The following CPXM2 variants were observed in gnomAD, a reference collection of about 807,000 sequenced individuals.
The protein encoded by CPXM2 is carboxypeptidase X, M14 family member 2, also known as inactive carboxypeptidase-like protein X2.
A neutral mutation model predicts 86.1 loss-of-function variants in CPXM2; 66 were observed. The observed-to-expected ratio is 0.77, with a 90% CI of 0.63 to 0.94. CPXM2 has a LOEUF of 0.94. Ranked by LOEUF, CPXM2 falls within the 40% of genes least tolerant of loss-of-function variation. The pLI, the probability that CPXM2 is intolerant of heterozygous loss-of-function variation, is 0.00. For missense variants in CPXM2, 948 were observed against 1,026.3 expected, an observed-to-expected ratio of 0.92 and a Z score of 1.04; for synonymous variants, 388 against 400.2, an observed-to-expected ratio of 0.97 and a Z score of 0.36.
chr10:123,760,472 G>A (rs891808042), intron 11 of CPXM2, among the ~76,000 whole-genome samples: 8 of 152,120 alleles, frequency 5.3e-5, no homozygotes, highest in Admixed American at 2.6e-4. Context: ...TTCTGTACAT[G>A]TTTTAAAATG....
At chr10:123,921,815 G>T (rs1324901213) in intron 2 of CPXM2, among the ~76,000 whole-genome samples, 1 of 152,196 alleles carries the variant, frequency 6.6e-6, no homozygotes, top group Admixed American at 6.5e-5. Flanking sequence ...TAGAATAAAG[G>T]TTTGCAATTC....
chr10:123,793,987 G>T (rs114502200), intron 6 of CPXM2, among the ~76,000 whole-genome samples: 1 of 150,584 alleles, frequency 6.6e-6, no homozygotes, highest in Non-Finnish European at 1.5e-5. Context: ...CAAGACAGGC[G>T]GTGGCCTTAC....
chr10:123,763,028 T>A (rs1846381838), intron 10 of CPXM2, among the ~76,000 whole-genome samples: 1 of 151,838 alleles, frequency 6.6e-6, no homozygotes, highest in South Asian at 2.1e-4. Flanking sequence ...TGGTCTGTGC[T>A]TGGTCCCCCT....
intron 2 of CPXM2, among the ~76,000 whole-genome samples, chr10:123,905,959 A>G (rs1224069346): frequency 6.6e-6 from 1 of 152,152 alleles, no homozygotes; most frequent in East Asian, 1.9e-4. Flanking sequence ...TTCTATGTGA[A>G]CAGGCCAAGC....
At chr10:123,803,238 T>G (rs1296975946) in intron 4 of CPXM2, among the ~76,000 whole-genome samples, 1 of 145,332 alleles carries the variant, frequency 6.9e-6, no homozygotes, top group Non-Finnish European at 1.5e-5. Context: ...TGGCTGGGAC[T>G]ACAGGCATGC....
chr10:123,853,224 CCAGAAG>C (rs1848640728), intron 3 of CPXM2, among the ~76,000 whole-genome samples: 1 of 152,142 alleles, frequency 6.6e-6, no homozygotes, highest in Non-Finnish European at 1.5e-5. Flanking sequence ...CTGAGGCCTC[CCAGAAG>C]CAGAAGCCAC....
chr10:123,923,185 GAAAAGA>G (rs142639355), intron 2 of CPXM2, among the ~76,000 whole-genome samples: 3,612 of 152,158 alleles, frequency 0.024, 115 homozygotes, highest in East Asian at 0.094. Context: ...TGATGTCGTG[GAAAAGA>G]AAAAGAAAAA....
In CPXM2 at chr10:123,767,128, G is replaced by A. The variant is rs748406201; in HGVS notation, c.1324C>T (p.Leu442=). The A allele has an allele frequency of 1.2e-6, 2 of 1,614,100 alleles. No individual in the cohort carries two copies. Among genetic ancestry groups the A allele is most frequent in the Non-Finnish European group, 8.5e-7 (1 of 1,180,018 alleles). The change falls in exon 10 of 14, where the codon CTG becomes TTG. Residue 442 remains leucine (L), a synonymous_variant. Coordinates refer to ENST00000241305, the MANE Select transcript of CPXM2 (RefSeq NM_198148.3). The part of the protein sequence containing the change: ...EGGSELGGWS[L]GRWTHDGIDI... ...ATTCCATCGTGGGTCCAGCGTCCCA[G>A]GGACCAGCCTCCCAGCTCCGAGCCC...
At chr10:123,902,927 C>T (rs74937224) in intron 2 of CPXM2, among the ~76,000 whole-genome samples, 6,445 of 152,296 alleles carry the variant, frequency 0.042, 429 homozygotes, top group African/African-American at 0.14. Context: ...ACCTCCCCAC[C>T]GTGCCCTTTC....
At chr10:123,785,016 G>A (rs1847018364) in intron 6 of CPXM2, among the ~76,000 whole-genome samples, 1 of 152,116 alleles carries the variant, frequency 6.6e-6, no homozygotes, top group Admixed American at 6.5e-5. Flanking sequence ...ATTTACATAG[G>A]GCGTACACGA....
chr10:123,896,349 A>C (rs749813632), upstream of CPXM2, among the ~76,000 whole-genome samples: 4 of 152,232 alleles, frequency 2.6e-5, no homozygotes, highest in Non-Finnish European at 5.9e-5. Context: ...ATGGATGCAC[A>C]GGGAGAGAGA....
At chr10:123,783,467 A>G (rs903894023) in intron 6 of CPXM2, among the ~76,000 whole-genome samples, 2 of 152,144 alleles carry the variant, frequency 1.3e-5, no homozygotes, top group Non-Finnish European at 1.5e-5. Flanking sequence ...CTCAGAGATG[A>G]TCTCCCAGGA....
intron 7 of CPXM2, among the ~76,000 whole-genome samples, chr10:123,772,268 ACCTTCACTGTTGTGGT>A (rs1846656550): frequency 4.0e-4 from 1 of 2,506 alleles, no homozygotes; most frequent in East Asian, 0.017. Flanking sequence ...TGTGGTTCTC[ACCTTCACTGTTGTGGT>A]TCTCACCTCC....
intron 3 of CPXM2, among the ~76,000 whole-genome samples, chr10:123,854,679 C>T (rs1848681753): frequency 6.6e-6 from 1 of 150,998 alleles, no homozygotes; most frequent in East Asian, 2.0e-4. Context: ...GTCTACTCCG[C>T]AGTCATAACT....
chr10:123,769,993 G>A (rs956939605), intron 8 of CPXM2, among the ~76,000 whole-genome samples: 4 of 152,216 alleles, frequency 2.6e-5, no homozygotes, highest in African/African-American at 9.7e-5. Context: ...ATAAACTCCT[G>A]CTGGGCGTGG....
chr10:123,885,069 G>A lies in CPXM2; in HGVS notation c.305-4760C>T, dbSNP rs1945159443. ...CTTAGATTCCACCTGGAAACAGCCT[G>A]AGACAAGAAGGCTTTGGGCACAGTG... is the stretch of plus-strand genomic sequence containing the variant. On this transcript the variant is annotated intron_variant, in intron 1 of 13. Coordinates refer to ENST00000241305, the MANE Select transcript of CPXM2 (RefSeq NM_198148.3). The surrounding 1 kb of genome is among the most constrained non-coding windows in gnomAD (Gnocchi z 4.0). 6.6e-6 allele frequency among the ~76,000 whole-genome samples: 1 copy of A among 152,256 alleles called. No individual in the cohort carries two copies. The highest frequency in any genetic ancestry group is 2.1e-4 in the South Asian group (1 of 4,834).
At chr10:123,787,523 G>A (rs960068894) in intron 6 of CPXM2, among the ~76,000 whole-genome samples, 6 of 152,064 alleles carry the variant, frequency 3.9e-5, no homozygotes, top group Non-Finnish European at 5.9e-5. Context: ...TAGTAGAGAC[G>A]GGGTTTCGCC....
At chr10:123,871,424 G>A (rs7922417) in intron 2 of CPXM2, among the ~76,000 whole-genome samples, 6,161 of 152,116 alleles carry the variant, frequency 0.041, 169 homozygotes, top group East Asian at 0.11. Flanking sequence ...TTCTTTATAC[G>A]TTGCTTATAA....
Position 123,747,005 on chromosome 10 carries a change from T to A in CPXM2, c.2030A>T (p.Asp677Val), listed in dbSNP as rs754838132. The part of the protein sequence containing the change: ...NHDIRTANDG[D>V]YWRLLNPGEY... ...TCCAGGGTTCAGGAGGCGCCAGTAA[T>A]CCCCATCGTTGGCTGTGAAAAAGAA... is the stretch of plus-strand genomic sequence containing the variant. The change falls in exon 14 of 14, where the codon GAT becomes GTT. Residue 677 changes from aspartate to valine, a missense_variant. By Grantham distance (152) the Asp-to-Val change is radical. Coordinates refer to ENST00000241305, the MANE Select transcript of CPXM2 (RefSeq NM_198148.3). 3.7e-6 allele frequency: 6 copies of A among 1,613,730 alleles called. No individual in the cohort carries two copies. The East Asian group carries it at 1.1e-4, about 30-fold the overall frequency.
Sources: gnomAD v4.1 joint callset for allele counts (sites outside exome capture counted in the v4.1 genomes callset) on GRCh38, gnomAD v4.1.1 for gene constraint, Gnocchi (gnomAD v3.1) non-coding constraint, MANE v1.5 for transcripts, NCBI Gene and HGNC (gene_info 2026-07-23, HGNC 2026-07-21) for gene names.